The following TMEM266 variants were observed in gnomAD, a reference collection of about 807,000 sequenced individuals.
TMEM266 encodes Hv1 related protein 1.
TMEM266 carries 33 observed loss-of-function variants against 50.5 expected under a neutral mutation model. The observed-to-expected ratio is 0.65, with a 90% CI of 0.50 to 0.87. TMEM266 has a LOEUF of 0.87. TMEM266 is among the 40% of genes least tolerant of loss of function. The probability of loss-of-function intolerance (pLI) is 0.00; values close to 1 mark genes in which losing one functional copy is unlikely to be tolerated. For synonymous variants in TMEM266, 310 were observed against 292.3 expected, an observed-to-expected ratio of 1.06 and a Z score of -0.62; for missense variants, 655 against 695.1, an observed-to-expected ratio of 0.94 and a Z score of 0.65.
chr15:76,164,918 T>C (rs2038071799), intron 5 of TMEM266, among the ~76,000 whole-genome samples: 1 of 152,234 alleles, frequency 6.6e-6, no homozygotes, highest in African/African-American at 2.4e-5. Flanking sequence ...TAAGAGGTGA[T>C]CTGGGGATCT....
At chr15:76,133,410 TGG>T in intron 1 of TMEM266, among the ~76,000 whole-genome samples, 1 of 151,948 alleles carries the variant, frequency 6.6e-6, no homozygotes, top group Non-Finnish European at 1.5e-5. Context: ...CCCTGCAGCC[TGG>T]GTGACAAGAG....
intron 1 of TMEM266, among the ~76,000 whole-genome samples, chr15:76,085,469 A>C (rs976597771): frequency 6.6e-6 from 1 of 151,302 alleles, no homozygotes; most frequent in African/African-American, 2.4e-5. Context: ...CATGTTGGTC[A>C]GGCTGGTGTT....
intron 9 of TMEM266, among the ~76,000 whole-genome samples, chr15:76,193,284 C>A (rs1303321688): frequency 1.3e-5 from 2 of 152,074 alleles, no homozygotes; most frequent in African/African-American, 4.8e-5. Context: ...GCAGTGGTAT[C>A]ATAATAGTTC....
At chr15:76,183,665 T>C (rs543892946) in intron 8 of TMEM266, among the ~76,000 whole-genome samples, 14 of 152,166 alleles carry the variant, frequency 9.2e-5, no homozygotes, top group Non-Finnish European at 1.5e-4. Context: ...ACAAGGCCAA[T>C]GGGCTCACAA....
At position 76,079,999 on chromosome 15, in the gene TMEM266, G is replaced by A. The variant is rs2036662803; in HGVS notation, c.-97+19983G>A. Among the ~76,000 whole-genome samples, 3 of 151,904 alleles carry A rather than the reference G, an allele frequency of 2.0e-5. No homozygotes were observed. In the South Asian group the frequency reaches 6.2e-4, roughly 32 times the overall value. ...TTGTAAGTGCAAGAGCTGTAAGATA[G>A]CATAAAGATGCTTGGCAGTAATTGA... On this transcript the variant is annotated intron_variant, in intron 1 of 10. Transcript: ENST00000388942.
chr15:76,105,115 G>A (rs549868224), intron 1 of TMEM266, among the ~76,000 whole-genome samples: 6 of 151,936 alleles, frequency 3.9e-5, no homozygotes, highest in African/African-American at 1.2e-4. Flanking sequence ...GCGTGGTGGC[G>A]CACACCTATA....
chr15:76,170,067 A>G lies in TMEM266; in HGVS notation c.513+195A>G, dbSNP rs1053950370. 2.6e-5 allele frequency among the ~76,000 whole-genome samples: 4 copies of G among 152,298 alleles called. No homozygotes were observed. The South Asian group carries it at 8.3e-4, about 32-fold the overall frequency. Reference sequence around the variant, plus strand: ...GTTTCCAGCAAAGGAATGTTCTGAAACATTCATTTAGAATGTTAAAAGGAA... The same window carrying G: ...GTTTCCAGCAAAGGAATGTTCTGAAGCATTCATTTAGAATGTTAAAAGGAA... On this transcript the variant is annotated intron_variant, in intron 6 of 10. Transcript: ENST00000388942.
At chr15:76,112,733 AACTAAATTTGGCAG>A (rs1567155061) in intron 1 of TMEM266, 5 of 152,150 alleles carry the variant, frequency 3.3e-5, no homozygotes, top group African/African-American at 1.2e-4. Context: ...AAAGCCACTG[AACTAAATTTGGCAG>A]ATAAAAATAT....
intron 1 of TMEM266, among the ~76,000 whole-genome samples, chr15:76,106,086 T>G (rs1045298289): frequency 6.6e-6 from 1 of 152,184 alleles, no homozygotes; most frequent in African/African-American, 2.4e-5. Context: ...ATCAGGCTTT[T>G]CACAAACAAG....
intron 1 of TMEM266, among the ~76,000 whole-genome samples, chr15:76,117,260 T>C (rs2037266036): frequency 6.6e-6 from 1 of 151,132 alleles, no homozygotes. Flanking sequence ...TTTTTTTTCA[T>C]TGACAAGCTG....
Position 76,204,032 on chromosome 15 carries a change from C to G in TMEM266, c.1313C>G (p.Ala438Gly). 6.2e-7 allele frequency: 1 copy of G among 1,610,510 alleles called. No homozygotes were observed. The highest frequency in any genetic ancestry group is 1.1e-5 in the South Asian group (1 of 91,020). The change falls in exon 11 of 11, where the codon GCC (alanine) becomes GGC (glycine). Residue 438 changes from alanine (A) to glycine (G), a missense_variant. Physicochemically the swap from Ala to Gly is moderately conservative, Grantham distance 60 (BLOSUM62 0). Around this residue, in one of 3 missense-constraint regions of TMEM266, gnomAD observed 455 missense variants for 401.8 expected, o/e 1.13. Transcript: ENST00000388942. ...CCATCCCAGCAGCAGGTGGAGGAGG[C>G]CACAGTCCAGGACCTGCTGTCCTCC...
intron 2 of TMEM266, among the ~76,000 whole-genome samples, 181 bp from the exon 3 acceptor site, chr15:76,137,526 A>C (rs2037609213): frequency 6.6e-6 from 1 of 152,068 alleles, no homozygotes; most frequent in African/African-American, 2.4e-5. Flanking sequence ...AAGAGATGGG[A>C]CTGTTAGGGC....
intron 7 of TMEM266, among the ~76,000 whole-genome samples, chr15:76,174,444 G>A (rs996467627): frequency 1.1e-4 from 17 of 152,030 alleles, no homozygotes; most frequent in African/African-American, 3.1e-4. Context: ...CCAGCTGCTC[G>A]GGAGGCTGAG....
At position 76,144,561 on chromosome 15, in the gene TMEM266, T is replaced by C. The variant is rs138384099; in HGVS notation, c.227+6666T>C. On this transcript the variant is annotated intron_variant, in intron 3 of 10. Coordinates refer to ENST00000388942, the MANE Select transcript of TMEM266 (RefSeq NM_152335.3). Reference sequence around the variant, plus strand: ...GAAAGCTACCCCCATGCCAAGCCTGTACCATGCTGTCAGTGCGCGGCTTAT... The same window carrying C: ...GAAAGCTACCCCCATGCCAAGCCTGCACCATGCTGTCAGTGCGCGGCTTAT... 2.8e-4 allele frequency among the ~76,000 whole-genome samples: 42 copies of C among 152,328 alleles called. 1 individual carries two copies. In the East Asian group the frequency reaches 7.5e-3, roughly 27 times the overall value.
intron 3 of TMEM266, among the ~76,000 whole-genome samples, 185 bp from the exon 4 acceptor site, chr15:76,156,419 T>C (rs1203983664): frequency 6.6e-6 from 1 of 152,092 alleles, no homozygotes. Context: ...TAATGAGATA[T>C]TTTCACCCTT....
chr15:76,139,404 A>G lies in TMEM266; in HGVS notation c.227+1509A>G, dbSNP rs922632246. Among the ~76,000 whole-genome samples the G allele has an allele frequency of 3.9e-5, 6 of 152,240 alleles. No homozygotes were observed. The highest frequency in any genetic ancestry group is 1.4e-4 in the African/African-American group (6 of 41,466). On this transcript the variant is annotated intron_variant, in intron 3 of 10. Transcript: ENST00000388942. This position sits in a 1 kb window ranked among gnomAD's most constrained non-coding sequence, Gnocchi z 4.1. ...GCTAAGGGACACCTGCAGTGGCAGC[A>G]CTGTCCTGAGCTCTGTCAGGTCCTT...
intron 1 of TMEM266, among the ~76,000 whole-genome samples, chr15:76,082,542 T>TG (rs969806581): frequency 1.2e-4 from 18 of 152,062 alleles, no homozygotes; most frequent in East Asian, 5.8e-4. Flanking sequence ...TAACTTGGGT[T>TG]GGGGGGGTGC....
intron 9 of TMEM266, among the ~76,000 whole-genome samples, chr15:76,194,840 C>T (rs1387145031): frequency 6.6e-6 from 1 of 152,128 alleles, no homozygotes; most frequent in Non-Finnish European, 1.5e-5. Context: ...TCTGCAACCG[C>T]TTTCTTTCCA....
intron 3 of TMEM266, among the ~76,000 whole-genome samples, chr15:76,143,230 T>C (rs947852590): frequency 2.6e-5 from 4 of 152,168 alleles, no homozygotes; most frequent in Admixed American, 2.0e-4. Flanking sequence ...CTCCCCTGAC[T>C]CCACGTCCCT....
Sources: gnomAD v4.1 joint callset for allele counts (sites outside exome capture counted in the v4.1 genomes callset) on GRCh38, gnomAD v4.1.1 for gene constraint, gnomAD v4.1.1 regional missense constraint, Gnocchi (gnomAD v3.1) non-coding constraint, MANE v1.5 for transcripts, NCBI Gene and HGNC (gene_info 2026-07-23, HGNC 2026-07-21) for gene names.